Variants in MAP2K5 observed in about 807,000 individuals in gnomAD.
MAP2K5 encodes mitogen-activated protein kinase kinase 5.
Under a neutral mutation model 83.1 loss-of-function variants are expected in MAP2K5, and 49 were observed. The ratio of observed to expected loss-of-function variants is 0.59; its 90% CI spans 0.47 to 0.75. The LOEUF (loss-of-function observed/expected upper bound fraction) is 0.75, where lower values mean the gene tolerates loss of function less well. Among genes scored for constraint, MAP2K5 ranks in the 30% least tolerant of loss-of-function variants. The pLI, the probability that MAP2K5 is intolerant of heterozygous loss-of-function variation, is 0.00. For synonymous variants in MAP2K5, 202 were observed against 191.8 expected (o/e 1.05, Z -0.44); for missense variants, 457 against 557.5 (o/e 0.82, Z 1.82).
chr15:67,618,656 A>T (rs2086109898), intron 8 of MAP2K5, among the ~76,000 whole-genome samples: 1 of 152,174 alleles, frequency 6.6e-6, no homozygotes, highest in Non-Finnish European at 1.5e-5. Context: ...ATTCTATAGG[A>T]TGCTAAGGAC....
At chr15:67,681,843 A>G (rs57101762) in intron 13 of MAP2K5, among the ~76,000 whole-genome samples, 22,146 of 152,162 alleles carry the variant, frequency 0.15, 1,685 homozygotes, top group East Asian at 0.22. Flanking sequence ...TCAATGCCCT[A>G]GTATTCATTT....
chr15:67,637,756 G>C lies in MAP2K5; in HGVS notation c.585+6829G>C, dbSNP rs2086633475. ...TTTTGTCTTCTCATCTTAGGGAGATGGCTTATCTCTGCCTGGTTTCCCCTC... is the reference window on the plus strand; with the variant it reads ...TTTTGTCTTCTCATCTTAGGGAGATCGCTTATCTCTGCCTGGTTTCCCCTC... On this transcript the variant is annotated intron_variant, in intron 9 of 21. Transcript: ENST00000178640. This position sits in a 1 kb window ranked among gnomAD's most constrained non-coding sequence, Gnocchi z 4.5. Among the ~76,000 whole-genome samples the C allele has an allele frequency of 6.6e-6, 1 of 152,120 alleles. No homozygotes were observed. The highest frequency in any genetic ancestry group is 1.9e-4 in the East Asian group (1 of 5,194).
In MAP2K5 at chr15:67,783,932, C is replaced by T. The variant is rs1267776967; in HGVS notation, c.1242+11180C>T. On this transcript the variant is annotated intron_variant, in intron 21 of 21. Transcript: ENST00000178640. The surrounding 1 kb of genome is among the most constrained non-coding windows in gnomAD (Gnocchi z 5.1). ...TCTAATAGCCACACTAGCCAGTATTCATACTACAATTTATTTTCTCTAAAC... is the reference window on the plus strand; with the variant it reads ...TCTAATAGCCACACTAGCCAGTATTTATACTACAATTTATTTTCTCTAAAC... 6.6e-6 allele frequency among the ~76,000 whole-genome samples: 1 copy of T among 152,182 alleles called. No individual in the cohort carries two copies. The highest frequency in any genetic ancestry group is 6.5e-5 in the Admixed American group (1 of 15,282).
intron 7 of MAP2K5, among the ~76,000 whole-genome samples, chr15:67,597,809 T>TC (rs970641382): frequency 1.3e-5 from 2 of 151,396 alleles, no homozygotes; most frequent in African/African-American, 4.9e-5. Context: ...GTTTTTCCCA[T>TC]CCCCCCCAAA....
rs186664990 is a variant in MAP2K5 at position 67,698,571 on chromosome 15, G to T, written c.973-4766G>T. ...CTTTAACCAACTATTCAGTCTTCCT[G>T]GCTTACTATCATTTTAAAAATCAAA... On this transcript the variant is annotated intron_variant, in intron 15 of 21. Coordinates refer to ENST00000178640, the MANE Select transcript of MAP2K5 (RefSeq NM_145160.3). The surrounding 1 kb of genome is among the most constrained non-coding windows in gnomAD (Gnocchi z 4.5). Among the ~76,000 whole-genome samples the T allele has an allele frequency of 1.1e-4, 17 of 152,182 alleles. No individual in the cohort carries two copies. The highest frequency in any genetic ancestry group is 2.0e-4 in the Admixed American group (3 of 15,284).
rs2141331857 is a variant in MAP2K5 at position 67,790,761 on chromosome 15, GC to G, written c.1243-15883del. Among the ~76,000 whole-genome samples the G allele has an allele frequency of 6.6e-6, 1 of 152,178 alleles. No individual in the cohort carries two copies. The highest frequency in any genetic ancestry group is 6.5e-5 in the Admixed American group (1 of 15,290). On this transcript the variant is annotated intron_variant, in intron 21 of 21. Coordinates refer to ENST00000178640, the MANE Select transcript of MAP2K5 (RefSeq NM_145160.3). The surrounding 1 kb of genome is among the most constrained non-coding windows in gnomAD (Gnocchi z 4.6). ...AAAAAAAACCTGTGTCCTAATGTCT[GC>G]CACACTTAGTGCTGAACATGTGTTA...
intron 2 of MAP2K5, among the ~76,000 whole-genome samples, chr15:67,551,807 T>C (rs892151150): frequency 6.6e-6 from 1 of 152,246 alleles, no homozygotes; most frequent in Non-Finnish European, 1.5e-5. Context: ...AATGGATTAA[T>C]AAATTACTAT....
rs192304259 is a variant in MAP2K5 at position 67,786,926 on chromosome 15, A to C, written c.1242+14174A>C. 5.3e-5 allele frequency among the ~76,000 whole-genome samples: 8 copies of C among 152,316 alleles called. No individual in the cohort carries two copies. The East Asian group carries it at 1.5e-3, about 29-fold the overall frequency. On this transcript the variant is annotated intron_variant, in intron 21 of 21. Coordinates refer to ENST00000178640, the MANE Select transcript of MAP2K5 (RefSeq NM_145160.3). This position sits in a 1 kb window ranked among gnomAD's most constrained non-coding sequence, Gnocchi z 4.7. ...GAGGGAAGACATTCCAGGGAGAGAA[A>C]ATGGCACAGGCTGAGACCGGAGGGA...
rs1192466801 is a variant in MAP2K5, at chr15:67,785,751, G to A, written c.1242+12999G>A. On this transcript the variant is annotated intron_variant, in intron 21 of 21. Transcript: ENST00000178640. This position sits in a 1 kb window ranked among gnomAD's most constrained non-coding sequence, Gnocchi z 4.4. ...TTTGTGATCTGACAACTGGCAGGAT[G>A]TGTTGTGCGTAAAGCCTGGAGAGGC... 1.3e-5 allele frequency among the ~76,000 whole-genome samples: 2 copies of A among 152,248 alleles called. No homozygotes were observed. The highest frequency in any genetic ancestry group is 2.9e-5 in the Non-Finnish European group (2 of 68,036).
chr15:67,628,090 G>A, intron 8 of MAP2K5: 2 of 756,558 alleles, frequency 2.6e-6, no homozygotes, highest in South Asian at 1.3e-5. Flanking sequence ...AAGGTGGACG[G>A]AAGAGCTGTG....
chr15:67,600,337 G>A (rs1480654965), intron 7 of MAP2K5, among the ~76,000 whole-genome samples: 3 of 152,278 alleles, frequency 2.0e-5, no homozygotes, highest in East Asian at 1.9e-4. Flanking sequence ...CTTTGGTTAT[G>A]TGCAGTGCTC....
intron 8 of MAP2K5, among the ~76,000 whole-genome samples, chr15:67,601,291 G>C (rs1447579608): frequency 6.6e-6 from 1 of 152,132 alleles, no homozygotes; most frequent in Non-Finnish European, 1.5e-5. Flanking sequence ...CAGTTGCAGT[G>C]ATCTTACCCC....
intron 20 of MAP2K5, among the ~76,000 whole-genome samples, chr15:67,771,297 C>T (rs1177627472): frequency 6.6e-6 from 1 of 152,196 alleles, no homozygotes; most frequent in African/African-American, 2.4e-5. Flanking sequence ...GGGCATCACC[C>T]TCTCTGCTCC....
Position 67,768,711 on chromosome 15 carries a change from T to G in MAP2K5, c.1135-891T>G, listed in dbSNP as rs2090088773. The stretch of plus-strand genomic sequence containing the variant: ...GAGTCATTTGCAGCTGCCTACTTTA[T>G]GTGGCTCTCTTGTTCCAACTGTAGG... On this transcript the variant is annotated intron_variant, in intron 19 of 21. Transcript: ENST00000178640. The surrounding 1 kb of genome is among the most constrained non-coding windows in gnomAD (Gnocchi z 4.0). 6.6e-6 allele frequency among the ~76,000 whole-genome samples: 1 copy of G among 152,250 alleles called. No homozygotes were observed. The highest frequency in any genetic ancestry group is 2.1e-4 in the South Asian group (1 of 4,834).
At chr15:67,685,518 G>A (rs917156346) in intron 13 of MAP2K5, among the ~76,000 whole-genome samples, 2 of 152,074 alleles carry the variant, frequency 1.3e-5, no homozygotes, top group South Asian at 2.1e-4. Flanking sequence ...TTCACAAATC[G>A]TGGATAAATA....
intron 2 of MAP2K5, among the ~76,000 whole-genome samples, chr15:67,553,231 C>T (rs1322155175): frequency 1.3e-5 from 2 of 152,140 alleles, no homozygotes; most frequent in Non-Finnish European, 2.9e-5. Flanking sequence ...TTGCTTGGAA[C>T]GGTGAAGCCC....
At chr15:67,713,838 A>G (rs113471307) in intron 16 of MAP2K5, among the ~76,000 whole-genome samples, 2,616 of 152,230 alleles carry the variant, frequency 0.017, 88 homozygotes, top group African/African-American at 0.06. Flanking sequence ...TTTCTTTCCA[A>G]TATCATTTTT....
In MAP2K5 at chr15:67,802,830, C is replaced by G. The variant is rs2090730917; in HGVS notation, c.1243-3816C>G. ...GCCTGATGGGGCTGCAAGAGCTTGC[C>G]TGCATCTGGATTCCTCTGCCTGGGA... On this transcript the variant is annotated intron_variant, in intron 21 of 21. Transcript: ENST00000178640. This position sits in a 1 kb window ranked among gnomAD's most constrained non-coding sequence, Gnocchi z 5.0. Among the ~76,000 whole-genome samples the G allele has an allele frequency of 6.6e-6, 1 of 152,224 alleles. No individual in the cohort carries two copies. The highest frequency in any genetic ancestry group is 1.5e-5 in the Non-Finnish European group (1 of 68,046).
chr15:67,642,334 G>T (rs1050813417), intron 9 of MAP2K5: 57 of 1,033,918 alleles, frequency 5.5e-5, no homozygotes, highest in Non-Finnish European at 7.8e-5. Context: ...TGGAGTGCTG[G>T]GGGGGATAGA....
Sources: gnomAD v4.1 joint callset for allele counts (sites outside exome capture counted in the v4.1 genomes callset) on GRCh38, gnomAD v4.1.1 for gene constraint, Gnocchi (gnomAD v3.1) non-coding constraint, MANE v1.5 for transcripts, NCBI Gene and HGNC (gene_info 2026-07-23, HGNC 2026-07-21) for gene names.